Variants in TASP1 observed in about 807,000 individuals in gnomAD.
TASP1 encodes taspase 1.
Under a neutral mutation model 56.6 loss-of-function variants are expected in TASP1, and 16 were observed. The observed-to-expected ratio is 0.28, with a 90% CI of 0.19 to 0.43. TASP1 has a LOEUF of 0.43. Among genes scored for constraint, TASP1 ranks in the 20% least tolerant of loss-of-function variants. The pLI, the probability that TASP1 is intolerant of heterozygous loss-of-function variation, is 1.00. For missense variants in TASP1, 393 were observed against 511.6 expected (o/e 0.77, Z 2.24); for synonymous variants, 179 against 184.2 (o/e 0.97, Z 0.23).
downstream of TASP1, among the ~76,000 whole-genome samples, chr20:13,388,884 A>G: frequency 6.6e-6 from 1 of 152,218 alleles, no homozygotes; most frequent in East Asian, 1.9e-4. Flanking sequence ...TCTTTCCTTT[A>G]TAATTTGGCC....
chr20:13,257,843 C>T, the TASP1 span, among the ~76,000 whole-genome samples: 1 of 152,070 alleles, frequency 6.6e-6, no homozygotes, highest in African/African-American at 2.4e-5. Flanking sequence ...ATTCTGGAGC[C>T]GAGCAGCATT....
At chr20:13,138,061 A>C in the TASP1 span, among the ~76,000 whole-genome samples, 1 of 152,074 alleles carries the variant, frequency 6.6e-6, no homozygotes, top group Non-Finnish European at 1.5e-5. Context: ...CATCCTTTCT[A>C]AAATATTGTC....
At chr20:13,166,158 G>A in the TASP1 span, 11 of 152,610 alleles carry the variant, frequency 7.2e-5, no homozygotes, top group Admixed American at 6.5e-5. Context: ...GTTCGAATGA[G>A]TTGCAGAACA....
chr20:13,144,056 T>C, the TASP1 span, among the ~76,000 whole-genome samples: 1 of 152,142 alleles, frequency 6.6e-6, no homozygotes, highest in Non-Finnish European at 1.5e-5. Flanking sequence ...CATCAAAAAA[T>C]TGTGACTCTC....
At chr20:13,288,757 A>T in the TASP1 span, 1 of 1,416,026 alleles carries the variant, frequency 7.1e-7, no homozygotes, top group Non-Finnish European at 9.7e-7. Flanking sequence ...ACTTAGTGAC[A>T]TTGTCTTTTT....
intron 11 of TASP1, among the ~76,000 whole-genome samples, chr20:13,446,048 ACAAT>A (rs2043398996): frequency 6.6e-6 from 1 of 152,164 alleles, no homozygotes. Flanking sequence ...TAATCAATAA[ACAAT>A]CAATGTTAGA....
At chr20:13,620,265 T>TACACACACACACACACAC (rs757563847) in intron 4 of TASP1, among the ~76,000 whole-genome samples, 108 of 145,768 alleles carry the variant, frequency 7.4e-4, no homozygotes, top group African/African-American at 2.6e-3. Context: ...CTGTGGTATT[T>TACACACACACACACACAC]ACACACACAC....
At chr20:13,194,544 TGTGTGTGTG>T in the TASP1 span, among the ~76,000 whole-genome samples, 1 of 572 alleles carries the variant, frequency 1.7e-3, no homozygotes, top group Non-Finnish European at 0.01. Context: ...CACCAAGAAA[TGTGTGTGTG>T]TGTGTGTGTG....
chr20:13,360,707 C>T, the TASP1 span, among the ~76,000 whole-genome samples: 4 of 152,200 alleles, frequency 2.6e-5, no homozygotes, highest in Non-Finnish European at 4.4e-5. Context: ...TTCCTCATAC[C>T]TGACGCATAT....
intron 10 of TASP1, among the ~76,000 whole-genome samples, chr20:13,526,122 A>T (rs2044968360): frequency 6.6e-6 from 1 of 152,154 alleles, no homozygotes; most frequent in African/African-American, 2.4e-5. Flanking sequence ...TCTTATTCCA[A>T]CTTGCACATC....
chr20:13,601,947 A>G (rs1305684265), intron 4 of TASP1, among the ~76,000 whole-genome samples: 2 of 124,416 alleles, frequency 1.6e-5, no homozygotes, highest in Admixed American at 2.2e-4. Context: ...CTCGATCTCC[A>G]CTCACTGCAA....
At chr20:13,550,714 A>C (rs189826611) in intron 8 of TASP1, among the ~76,000 whole-genome samples, 1 of 152,220 alleles carries the variant, frequency 6.6e-6, no homozygotes, top group African/African-American at 2.4e-5. Context: ...TGCACTCTTA[A>C]TACTCTAAGA....
At chr20:13,420,867 A>G (rs1249935500) in intron 12 of TASP1, among the ~76,000 whole-genome samples, 1 of 152,164 alleles carries the variant, frequency 6.6e-6, no homozygotes, top group East Asian at 1.9e-4. Flanking sequence ...TTTCATTGTT[A>G]TATTACTCTG....
At chr20:13,525,131 G>A (rs999536057) in intron 10 of TASP1, among the ~76,000 whole-genome samples, 9 of 152,064 alleles carry the variant, frequency 5.9e-5, no homozygotes, top group African/African-American at 2.2e-4. Flanking sequence ...AAAAATAATG[G>A]TGCATCTGAT....
At chr20:13,173,164 T>A in the TASP1 span, among the ~76,000 whole-genome samples, 1 of 152,224 alleles carries the variant, frequency 6.6e-6, no homozygotes, top group Non-Finnish European at 1.5e-5. Flanking sequence ...TTGAGAGTGC[T>A]GGCAAGCCCT....
the TASP1 span, among the ~76,000 whole-genome samples, chr20:13,345,998 G>A: frequency 1.3e-5 from 2 of 151,448 alleles, no homozygotes; most frequent in Non-Finnish European, 2.9e-5. Context: ...CTTGGAGGCA[G>A]CTGGAGGGCT....
chr20:13,279,951 A>G, the TASP1 span: 1 of 1,548,968 alleles, frequency 6.5e-7, no homozygotes, highest in Non-Finnish European at 8.8e-7. Context: ...AACGAGGATG[A>G]TGCCTTGGAC....
At chr20:13,311,281 A>G in the TASP1 span, among the ~76,000 whole-genome samples, 2 of 151,830 alleles carry the variant, frequency 1.3e-5, no homozygotes, top group East Asian at 3.9e-4. Context: ...AGATAGATAG[A>G]TAATAAAATA....
intron 5 of TASP1, among the ~76,000 whole-genome samples, 176 bp from the exon 6 acceptor site, chr20:13,581,157 C>A (rs909381761): frequency 3.9e-5 from 6 of 151,928 alleles, no homozygotes; most frequent in South Asian, 2.1e-4. Flanking sequence ...AGAGTTAAAT[C>A]AAAAAATGTA....
Sources: allele counts gnomAD v4.1 joint callset (sites outside exome capture counted in the v4.1 genomes callset), GRCh38; gene constraint gnomAD v4.1.1; transcripts MANE v1.5; gene names NCBI Gene and HGNC (gene_info 2026-07-23, HGNC 2026-07-21).